The following RAB3B variants were observed in gnomAD, a reference collection of about 807,000 sequenced individuals.
RAB3B encodes the protein ras-related protein Rab-3B.
RAB3B carries 11 observed loss-of-function variants against 20.5 expected under a neutral mutation model. That is an observed-to-expected ratio of 0.54 (90% CI 0.34 to 0.89). The LOEUF (loss-of-function observed/expected upper bound fraction) is 0.89, where lower values mean the gene tolerates loss of function less well. RAB3B is among the 40% of genes least tolerant of loss of function. RAB3B has a pLI of 0.02. For missense variants in RAB3B, 225 were observed against 280.9 expected (o/e 0.80, Z 1.42); for synonymous variants, 99 against 106.3 (o/e 0.93, Z 0.42).
chr1:51,966,077 A>G (rs903888726), intron 2 of RAB3B, among the ~76,000 whole-genome samples: 5 of 152,194 alleles, frequency 3.3e-5, no homozygotes, highest in African/African-American at 9.7e-5. Context: ...GAGTGCCCCT[A>G]AGAGGCAGGG....
At chr1:51,954,979 G>T (rs1684688500) in intron 2 of RAB3B, among the ~76,000 whole-genome samples, 1 of 152,172 alleles carries the variant, frequency 6.6e-6, no homozygotes, top group African/African-American at 2.4e-5. Flanking sequence ...CCACTGAAGG[G>T]TTTAGTGTGT....
intron 2 of RAB3B, among the ~76,000 whole-genome samples, chr1:51,967,826 T>C (rs2124299191): frequency 6.6e-6 from 1 of 152,248 alleles, no homozygotes; most frequent in Admixed American, 6.5e-5. Context: ...AGGTCTTTTA[T>C]ATGTTACTAA....
Position 51,937,326 on chromosome 1 carries a change from G to T in RAB3B, c.315C>A (p.Thr105=). 6.2e-7 allele frequency: 1 copy of T among 1,612,186 alleles called. No individual in the cohort carries two copies. Among genetic ancestry groups the T allele is most frequent in the Non-Finnish European group, 8.5e-7 (1 of 1,178,646 alleles). The part of the protein sequence containing the change: ...AMGFILMYDI[T]NEESFNAVQD... ...GGACAGCATTGAAGGACTCTTCATTGGTGATGTCATACATCAGAATGAAGC... is the reference window on the plus strand; with the variant it reads ...GGACAGCATTGAAGGACTCTTCATTTGTGATGTCATACATCAGAATGAAGC... The change falls in exon 3 of 5, where the codon ACC becomes ACA. Residue 105 remains threonine (T), a synonymous_variant. Coordinates refer to ENST00000371655, the MANE Select transcript of RAB3B (RefSeq NM_002867.4).
intron 4 of RAB3B, among the ~76,000 whole-genome samples, chr1:51,929,488 A>G (rs898761142): frequency 6.6e-6 from 1 of 151,942 alleles, no homozygotes; most frequent in African/African-American, 2.4e-5. Context: ...TAATTTTTGT[A>G]TTTTTAGTAG....
chr1:51,960,360 C>A (rs1684768997), intron 2 of RAB3B, among the ~76,000 whole-genome samples: 1 of 152,160 alleles, frequency 6.6e-6, no homozygotes, highest in African/African-American at 2.4e-5. Flanking sequence ...AGAGGGGGCA[C>A]TGTATCCCCT....
intron 2 of RAB3B, among the ~76,000 whole-genome samples, chr1:51,950,956 T>C (rs1286926279): frequency 1.3e-5 from 2 of 152,148 alleles, no homozygotes; most frequent in Non-Finnish European, 2.9e-5. Context: ...AGCAGTTCAA[T>C]AGAGCTTGGG....
intron 1 of RAB3B, among the ~76,000 whole-genome samples, chr1:51,981,699 G>A (rs1469586640): frequency 6.6e-6 from 1 of 152,152 alleles, no homozygotes; most frequent in Non-Finnish European, 1.5e-5. Flanking sequence ...GTCAATGACA[G>A]ACCACATGTA....
rs1014838484 is a variant in RAB3B, at chr1:51,919,164, T to C, written c.*763A>G. On this transcript the variant is annotated 3_prime_UTR_variant, in exon 5 of 5. Transcript: ENST00000371655. ...GCGCCCGGCTAATTTTTTGTATTTT[T>C]AGTAGAGACGGGGTTTCACCTTGTT... The C allele has an allele frequency of 4.5e-4, 68 of 151,474 alleles. No individual in the cohort carries two copies. Among genetic ancestry groups the C allele is most frequent in the African/African-American group, 1.6e-3 (66 of 41,292 alleles). 9.4% of individuals were successfully genotyped at this position (151,474 alleles called of 1,614,324 possible).
chr1:51,920,132 AC>A lies in RAB3B; in HGVS notation c.473-19del. The A allele has an allele frequency of 6.3e-7, 1 of 1,588,910 alleles. No individual in the cohort carries two copies. Among genetic ancestry groups the A allele is most frequent in the Non-Finnish European group, 8.6e-7 (1 of 1,164,128 alleles). On this transcript the variant is annotated intron_variant, in intron 4 of 4. Coordinates refer to ENST00000371655, the MANE Select transcript of RAB3B (RefSeq NM_002867.4). Reference sequence around the variant, plus strand: ...ATCAAACCCTGGAAAGAGGAGAGATACAGATAAGGACTTTTCCCATCCCTTC... The same window carrying A: ...ATCAAACCCTGGAAAGAGGAGAGATAAGATAAGGACTTTTCCCATCCCTTC...
Position 51,908,174 on chromosome 1 carries a change from T to C in RAB3B, c.*11753A>G, listed in dbSNP as rs1002905581. 3.3e-5 allele frequency: 5 copies of C among 152,272 alleles called. No individual in the cohort carries two copies. The highest frequency in any genetic ancestry group is 1.9e-4 in the East Asian group (1 of 5,176). 9.4% of individuals were successfully genotyped at this position (152,272 alleles called of 1,614,324 possible). A position where few individuals can be genotyped will look rare whatever the true frequency, so the allele number is the denominator to read the frequency against. On this transcript the variant is annotated 3_prime_UTR_variant, in exon 5 of 5. Coordinates refer to ENST00000371655, the MANE Select transcript of RAB3B (RefSeq NM_002867.4). Reference sequence around the variant, plus strand: ...AACACATGACATTTCATATTTCATATGCCACTGAGAAGAGGTGTCAGTATA... The same window carrying C: ...AACACATGACATTTCATATTTCATACGCCACTGAGAAGAGGTGTCAGTATA...
chr1:51,933,586 T>G (rs1027427289), intron 3 of RAB3B, 144 bp from the exon 4 acceptor site: 22 of 721,582 alleles, frequency 3.0e-5, no homozygotes, highest in Non-Finnish European at 9.0e-6. Context: ...ATTATGTCAA[T>G]GAGGCTAGAG....
At position 51,984,263 on chromosome 1, in the gene RAB3B, T is replaced by TAA. The variant is rs1166997647; in HGVS notation, c.-1+6287_-1+6288dup. Among the ~76,000 whole-genome samples the TAA allele has an allele frequency of 3.6e-3, 74 of 20,674 alleles. 3 individuals are homozygous for TAA. The highest frequency in any genetic ancestry group is 9.7e-3 in the African/African-American group (54 of 5,564). The allele number at this position is 20,674 out of a possible 152,430, so 13.6% of individuals were successfully genotyped here. A position where few individuals can be genotyped will look rare whatever the true frequency, so the allele number is the denominator to read the frequency against. On this transcript the variant is annotated intron_variant, in intron 1 of 4. Transcript: ENST00000371655. ...CAGGCAACAGTGGAGACTCTCTAAT[T>TAA]AAAAAAAAAAAAAAAAAAAAAAAAA... is the stretch of plus-strand genomic sequence containing the variant.
chr1:51,967,657 G>T (rs1404254049), intron 2 of RAB3B, among the ~76,000 whole-genome samples: 3 of 150,950 alleles, frequency 2.0e-5, no homozygotes, highest in Non-Finnish European at 4.4e-5. Context: ...GAGTAGCTGG[G>T]ACTACAGGCA....
intron 2 of RAB3B, among the ~76,000 whole-genome samples, chr1:51,972,662 TC>T (rs1684954294): frequency 6.6e-6 from 1 of 151,778 alleles, no homozygotes; most frequent in Admixed American, 6.6e-5. Context: ...GCACTATCTC[TC>T]CCCCATGCCC....
chr1:51,961,911 C>G (rs1383817017), intron 2 of RAB3B, among the ~76,000 whole-genome samples: 1 of 152,130 alleles, frequency 6.6e-6, no homozygotes, highest in Non-Finnish European at 1.5e-5. Context: ...GCTGGGACTA[C>G]AGGTGTCAGC....
At chr1:51,934,421 A>G (rs1684368150) in intron 3 of RAB3B, among the ~76,000 whole-genome samples, 1 of 152,172 alleles carries the variant, frequency 6.6e-6, no homozygotes, top group Admixed American at 6.6e-5. Context: ...GATTATTTGC[A>G]GGAACCAAAA....
chr1:51,979,657 T>C (rs1490137240), intron 1 of RAB3B, among the ~76,000 whole-genome samples: 1 of 152,198 alleles, frequency 6.6e-6, no homozygotes, highest in African/African-American at 2.4e-5. Flanking sequence ...AAGTCATCTT[T>C]CTTTATTCAC....
At position 51,933,314 on chromosome 1, in the gene RAB3B, A is replaced by G. The variant is rs1684352476; in HGVS notation, c.472+4T>C. On this transcript the variant is annotated splice_donor_region_variant and intron_variant, in intron 4 of 4. Coordinates refer to ENST00000371655, the MANE Select transcript of RAB3B (RefSeq NM_002867.4). ...ACATGCACATACATGTGTCATGTAC[A>G]TACCAAGCTGCTCTGCAAGGAGCTG... 1.9e-6 allele frequency: 3 copies of G among 1,613,712 alleles called. No homozygotes were observed. The African/African-American group carries it at 4.0e-5, about 22-fold the overall frequency.
chr1:51,989,258 T>TGTGTGTG (rs1557980864), intron 1 of RAB3B, among the ~76,000 whole-genome samples: 1 of 108,150 alleles, frequency 9.2e-6, no homozygotes, highest in African/African-American at 5.3e-5. Flanking sequence ...GTGTGTGTGT[T>TGTGTGTG]TTGAGGGCCC....
Sources: allele counts gnomAD v4.1 joint callset (sites outside exome capture counted in the v4.1 genomes callset), GRCh38; gene constraint gnomAD v4.1.1; transcripts MANE v1.5; gene names NCBI Gene and HGNC (gene_info 2026-07-23, HGNC 2026-07-21).